The following CHL1 variants were observed in gnomAD, a reference collection of about 807,000 sequenced individuals.
CHL1 encodes cell adhesion molecule L1 like.
Under a neutral mutation model 141.9 loss-of-function variants are expected in CHL1, and 96 were observed. The ratio of observed to expected loss-of-function variants is 0.68; its 90% CI spans 0.57 to 0.80. The LOEUF (loss-of-function observed/expected upper bound fraction) is 0.80, where lower values mean the gene tolerates loss of function less well. Among genes scored for constraint, CHL1 ranks in the 30% least tolerant of loss-of-function variants. The probability of loss-of-function intolerance (pLI) is 0.00; values close to 1 mark genes in which losing one functional copy is unlikely to be tolerated. For missense variants in CHL1, 1,820 were observed against 1,457.2 expected, an observed-to-expected ratio of 1.25 and a Z score of -4.05; for synonymous variants, 613 against 502.2, an observed-to-expected ratio of 1.22 and a Z score of -2.95.
chr3:298,531 A>C (rs1475148103), intron 2 of CHL1, among the ~76,000 whole-genome samples: 1 of 152,202 alleles, frequency 6.6e-6, no homozygotes. Flanking sequence ...CCAGGAGACC[A>C]TGCCCATAAA....
chr3:325,070 C>T (rs1198763375), intron 3 of CHL1, among the ~76,000 whole-genome samples: 1 of 151,150 alleles, frequency 6.6e-6, no homozygotes, highest in Non-Finnish European at 1.5e-5. Context: ...CAGAACAAAA[C>T]TTCCAATAGA....
intron 2 of CHL1, among the ~76,000 whole-genome samples, chr3:260,000 C>T (rs1694552238): frequency 6.6e-6 from 1 of 152,170 alleles, no homozygotes; most frequent in Non-Finnish European, 1.5e-5. Context: ...CATGGTGGCT[C>T]ATGCTTGCAA....
At chr3:363,548 A>G in intron 14 of CHL1, 165 bp downstream of exon 14, 1 of 619,588 alleles carries the variant, frequency 1.6e-6, no homozygotes, top group South Asian at 2.0e-5. Context: ...TTATTGCAAG[A>G]ACTACAGGGT....
intron 1 of CHL1, among the ~76,000 whole-genome samples, chr3:240,226 TC>T (rs1288744850): frequency 1.3e-5 from 2 of 152,206 alleles, no homozygotes; most frequent in Non-Finnish European, 2.9e-5. Flanking sequence ...GTAGAAGTGC[TC>T]CCTTTCCATT....
intron 1 of CHL1, among the ~76,000 whole-genome samples, chr3:219,844 T>G (rs1700667720): frequency 6.6e-6 from 1 of 152,178 alleles, no homozygotes; most frequent in Non-Finnish European, 1.5e-5. Flanking sequence ...AAATGAAAGT[T>G]TTTTAAAAAA....
intron 2 of CHL1, among the ~76,000 whole-genome samples, chr3:257,653 T>C (rs964654041): frequency 1.3e-5 from 2 of 152,152 alleles, no homozygotes; most frequent in East Asian, 1.9e-4. Context: ...TGCCTGGCTC[T>C]CTTTTTCATA....
intron 2 of CHL1, chr3:247,252 A>G (rs1210541404): frequency 1.3e-5 from 2 of 151,904 alleles, no homozygotes; most frequent in Non-Finnish European, 2.9e-5. Context: ...CCTGAGGAGG[A>G]CACGATTAAC....
At chr3:343,469 G>A (rs916183166) in intron 8 of CHL1, among the ~76,000 whole-genome samples, 4 of 152,102 alleles carry the variant, frequency 2.6e-5, no homozygotes, top group Non-Finnish European at 4.4e-5. Context: ...ACTGTACATT[G>A]TGGCTTTCTG....
chr3:236,862 TAAA>T (rs568637185), intron 1 of CHL1, among the ~76,000 whole-genome samples: 4 of 141,310 alleles, frequency 2.8e-5, no homozygotes, highest in Non-Finnish European at 6.0e-5. Flanking sequence ...AGAGAGTTTT[TAAA>T]AAATAATCAT....
intron 9 of CHL1, among the ~76,000 whole-genome samples, chr3:346,134 C>T (rs764341930): frequency 4.6e-5 from 7 of 152,110 alleles, no homozygotes; most frequent in African/African-American, 7.2e-5. Flanking sequence ...ACATTCTGAA[C>T]GACTGGTTTA....
chr3:289,115 C>T (rs1697433299), intron 2 of CHL1, among the ~76,000 whole-genome samples: 1 of 152,066 alleles, frequency 6.6e-6, no homozygotes, highest in South Asian at 2.1e-4. Context: ...CTTGGCATCA[C>T]TTACTTTGCT....
chr3:224,709 G>A lies in CHL1; in HGVS notation c.-174-19904G>A, dbSNP rs149226777. 6.7e-4 allele frequency among the ~76,000 whole-genome samples: 102 copies of A among 152,192 alleles called. 1 individual carries two copies. The highest frequency in any genetic ancestry group is 1.7e-3 in the African/African-American group (72 of 41,520). ...AAACTCTTTTCTTTACAAATTACCCGGTCTCAGGTATTTCTTTATAGCAAT... is the reference window on the plus strand; with the variant it reads ...AAACTCTTTTCTTTACAAATTACCCAGTCTCAGGTATTTCTTTATAGCAAT... On this transcript the variant is annotated intron_variant, in intron 1 of 27. Transcript: ENST00000256509.
Position 344,583 on chromosome 3 carries a change from T to G in CHL1, c.728-6T>G. On this transcript the variant is annotated splice_polypyrimidine_tract_variant and splice_region_variant and intron_variant, in intron 8 of 27. Coordinates refer to ENST00000256509, the MANE Select transcript of CHL1 (RefSeq NM_006614.4). Reference sequence around the variant, plus strand: ...AAAATTCTGACTTTTCTTTTCTATTTTGTAGCAAATTCCATCAAGCAAAGA... The same window carrying G: ...AAAATTCTGACTTTTCTTTTCTATTGTGTAGCAAATTCCATCAAGCAAAGA... 1 of 1,605,350 alleles carries G rather than the reference T, an allele frequency of 6.2e-7. No homozygotes were observed. The highest frequency in any genetic ancestry group is 1.3e-5 in the African/African-American group (1 of 74,430).
chr3:207,190 G>T (rs1559269788), intron 1 of CHL1, among the ~76,000 whole-genome samples: 1 of 152,214 alleles, frequency 6.6e-6, no homozygotes. Flanking sequence ...GTATTTTTAA[G>T]ATATGCATAA....
intron 15 of CHL1, among the ~76,000 whole-genome samples, chr3:369,830 G>A (rs1450988698): frequency 6.6e-6 from 1 of 152,142 alleles, no homozygotes; most frequent in African/African-American, 2.4e-5. Flanking sequence ...TTTATCAAAG[G>A]CCTTTTCTGC....
chr3:338,916 C>T (rs760557153), intron 5 of CHL1, among the ~76,000 whole-genome samples: 3 of 152,256 alleles, frequency 2.0e-5, no homozygotes, highest in South Asian at 4.1e-4. Flanking sequence ...TTAACGCTCT[C>T]AGGGAGCAGC....
At position 390,747 on chromosome 3, in the gene CHL1, T is replaced by C. The variant is rs1708152539; in HGVS notation, c.2517T>C (p.Ser839=). 3 of 1,611,658 alleles carry C rather than the reference T, an allele frequency of 1.9e-6. No homozygotes were observed. The South Asian group carries it at 3.3e-5, about 18-fold the overall frequency. ...PVIHGVDVIN[S]TLVKVTWSTV... ...TCCATGGGGTGGACGTTATAAACAG[T>C]ACATTAGTTAAAGTTACCTGGTCAA... The change falls in exon 21 of 28, where the codon AGT becomes AGC. Residue 839 remains serine (S), a synonymous_variant. Transcript: ENST00000256509.
chr3:360,526 G>C, intron 12 of CHL1, 102 bp downstream of exon 12: 1 of 1,167,734 alleles, frequency 8.6e-7, no homozygotes, highest in Non-Finnish European at 1.2e-6. Flanking sequence ...ATATATGGAG[G>C]GAAAAATCAA....
chr3:324,088 G>A (rs555881070), intron 3 of CHL1, among the ~76,000 whole-genome samples: 2 of 152,194 alleles, frequency 1.3e-5, no homozygotes, highest in African/African-American at 4.8e-5. Flanking sequence ...ATGAACAAAT[G>A]CTCTTTGAGA....
Sources: allele counts gnomAD v4.1 joint callset (sites outside exome capture counted in the v4.1 genomes callset), GRCh38; gene constraint gnomAD v4.1.1; transcripts MANE v1.5; gene names NCBI Gene and HGNC (gene_info 2026-07-23, HGNC 2026-07-21).